MPP7: variants seen among roughly 807,000 people sequenced by gnomAD.
MPP7 encodes MAGUK p55 scaffold protein 7, also known as MAGUK p55 subfamily member 7.
MPP7 carries 60 observed loss-of-function variants against 76.5 expected under a neutral mutation model. The observed-to-expected ratio is 0.78, with a 90% confidence interval of 0.64 to 0.97. The LOEUF is 0.97. Ranked by LOEUF, MPP7 falls within the 50% of genes least tolerant of loss-of-function variation. The pLI, the probability that MPP7 is intolerant of heterozygous loss-of-function variation, is 0.00. For synonymous variants in MPP7, 237 were observed against 244.5 expected, an observed-to-expected ratio of 0.97 and a Z score of 0.29; for missense variants, 641 against 694.0, an observed-to-expected ratio of 0.92 and a Z score of 0.86.
intron 11 of MPP7, among the ~76,000 whole-genome samples, chr10:28,110,549 A>T (rs559501703): frequency 1.4e-3 from 206 of 152,362 alleles, no homozygotes; most frequent in Middle Eastern, 3.4e-3. Flanking sequence ...TCTATTGATA[A>T]GAAGAGATTT....
intron 6 of MPP7, 40 bp from the exon 7 acceptor site, chr10:28,125,131 G>A (rs1309343065): frequency 6.7e-7 from 1 of 1,497,670 alleles, no homozygotes. Flanking sequence ...GGGTAAATGT[G>A]TGTACTAGGT....
intron 2 of MPP7, among the ~76,000 whole-genome samples, chr10:28,329,131 T>G (rs916086612): frequency 6.6e-6 from 1 of 152,228 alleles, no homozygotes; most frequent in Non-Finnish European, 1.5e-5. Context: ...GAATATCTTT[T>G]GATTTATTGG....
chr10:28,130,273 G>A (rs184080806), intron 6 of MPP7, among the ~76,000 whole-genome samples: 49 of 152,008 alleles, frequency 3.2e-4, no homozygotes, highest in Non-Finnish European at 1.5e-5. Flanking sequence ...AAAAACACTT[G>A]CAAAGAGGTA....
intron 3 of MPP7, among the ~76,000 whole-genome samples, chr10:28,183,697 G>A (rs1837134055): frequency 6.6e-6 from 1 of 152,106 alleles, no homozygotes; most frequent in South Asian, 2.1e-4. Flanking sequence ...TGAGAAGGGA[G>A]GATCATTGAG....
At chr10:28,305,962 T>C, upstream of MPP7, 1 of 152,224 alleles carries the variant, frequency 6.6e-6, no homozygotes, top group East Asian at 1.9e-4. Flanking sequence ...TTTAGGATAG[T>C]AACGGTGAGC....
At chr10:28,275,303 T>C (rs879738064) in intron 1 of MPP7, among the ~76,000 whole-genome samples, 1 of 152,150 alleles carries the variant, frequency 6.6e-6, no homozygotes, top group Non-Finnish European at 1.5e-5. Context: ...GGCATGACCA[T>C]TCACCTAGAT....
At chr10:28,183,698 G>T (rs1837134154) in intron 3 of MPP7, among the ~76,000 whole-genome samples, 1 of 152,032 alleles carries the variant, frequency 6.6e-6, no homozygotes, top group African/African-American at 2.4e-5. Flanking sequence ...GAGAAGGGAG[G>T]ATCATTGAGC....
intron 1 of MPP7, among the ~76,000 whole-genome samples, chr10:28,241,985 TCTAGTGGTCAACCACAGA>T (rs1339935339): frequency 6.6e-6 from 1 of 152,164 alleles, no homozygotes; most frequent in Non-Finnish European, 1.5e-5. Flanking sequence ...ACTCATGACA[TCTAGTGGTCAACCACAGA>T]AGTGCAAGTG....
intron 1 of MPP7, among the ~76,000 whole-genome samples, chr10:28,292,838 G>C (rs138427049): frequency 7.4e-4 from 112 of 152,146 alleles, no homozygotes; most frequent in Non-Finnish European, 1.2e-3. Flanking sequence ...AAAAAGGTGA[G>C]AGAGAGAGAA....
intron 2 of MPP7, among the ~76,000 whole-genome samples, chr10:28,206,728 G>C (rs967359552): frequency 6.6e-6 from 1 of 151,918 alleles, no homozygotes; most frequent in Non-Finnish European, 1.5e-5. Flanking sequence ...TTGATTATTC[G>C]TGAGATGCTG....
At chr10:28,128,601 G>A (rs1228466319) in intron 6 of MPP7, among the ~76,000 whole-genome samples, 1 of 152,148 alleles carries the variant, frequency 6.6e-6, no homozygotes, top group South Asian at 2.1e-4. Flanking sequence ...AAGAAAGAGA[G>A]GGATTAAAGA....
chr10:28,291,600 G>C (rs1010504435), intron 1 of MPP7, among the ~76,000 whole-genome samples: 1 of 151,824 alleles, frequency 6.6e-6, no homozygotes, highest in Non-Finnish European at 1.5e-5. Context: ...GAGACAGAGA[G>C]AGACACTGTC....
upstream of MPP7, among the ~76,000 whole-genome samples, chr10:28,307,854 G>A (rs145947500): frequency 6.6e-6 from 1 of 152,254 alleles, no homozygotes; most frequent in African/African-American, 2.4e-5. Context: ...AAAAGAAGGG[G>A]GAAGAGTCCA....
At chr10:28,300,772 T>A (rs553364796) in intron 1 of MPP7, among the ~76,000 whole-genome samples, 2 of 150,622 alleles carry the variant, frequency 1.3e-5, no homozygotes, top group African/African-American at 2.4e-5. Context: ...GCCAACATAG[T>A]GAAACCCCAT....
rs1283400977 is a variant in MPP7, at chr10:28,124,995, C to CT, written c.529+14_529+15insA. On this transcript the variant is annotated intron_variant, in intron 7 of 16. Transcript: ENST00000683449. ...ACGTGATTAGTCTGTACTTGGTTAACATTTAAAGTCTCACCACTTCTATCT... is the reference window on the plus strand; with the variant it reads ...ACGTGATTAGTCTGTACTTGGTTAACTATTTAAAGTCTCACCACTTCTATCT... 9.9e-6 allele frequency: 16 copies of CT among 1,609,008 alleles called. No individual in the cohort carries two copies. The highest frequency in any genetic ancestry group is 4.0e-5 in the African/African-American group (3 of 74,804).
intron 13 of MPP7, 96 bp downstream of exon 13, chr10:28,069,676 T>G (rs534050550): frequency 9.5e-7 from 1 of 1,047,578 alleles, no homozygotes; most frequent in East Asian, 2.8e-5. Context: ...CCCAAAAAAT[T>G]TTAAAAACAA....
intron 3 of MPP7, among the ~76,000 whole-genome samples, chr10:28,170,696 T>C (rs1241434189): frequency 6.6e-6 from 1 of 151,998 alleles, no homozygotes; most frequent in African/African-American, 2.4e-5. Flanking sequence ...TTCAGCTGTA[T>C]CTAATTTGCA....
chr10:28,118,147 C>T (rs1023018325), intron 11 of MPP7: 4 of 984,124 alleles, frequency 4.1e-6, no homozygotes, highest in South Asian at 4.7e-5. Context: ...AAAAGGACTC[C>T]GTTACAATTA....
At chr10:28,173,698 A>C (rs1279451207) in intron 3 of MPP7, among the ~76,000 whole-genome samples, 1 of 152,192 alleles carries the variant, frequency 6.6e-6, no homozygotes, top group Non-Finnish European at 1.5e-5. Context: ...CCCCATTCTT[A>C]AGTAGCAAAT....
Sources: allele counts gnomAD v4.1 joint callset (sites outside exome capture counted in the v4.1 genomes callset), GRCh38; gene constraint gnomAD v4.1.1; transcripts MANE v1.5; gene names NCBI Gene and HGNC (gene_info 2026-07-23, HGNC 2026-07-21).